Variants in CELSR1 observed in about 807,000 individuals in gnomAD.
CELSR1 encodes adhesion G protein-coupled receptor C1.
A neutral mutation model predicts 249.1 loss-of-function variants in CELSR1; 110 were observed. That is an observed-to-expected ratio of 0.44 (90% confidence interval 0.38 to 0.52). The LOEUF is 0.52. CELSR1 is among the 20% of genes least tolerant of loss of function. The probability of loss-of-function intolerance (pLI) is 0.00; values close to 1 mark genes in which losing one functional copy is unlikely to be tolerated. For synonymous variants in CELSR1, 2,113 were observed against 1,900.0 expected, an observed-to-expected ratio of 1.11 and a Z score of -2.92; for missense variants, 4,109 against 4,296.4, an observed-to-expected ratio of 0.96 and a Z score of 1.22.
At position 46,517,550 on chromosome 22, in the gene CELSR1, T is replaced by C. The variant is rs1163965013; in HGVS notation, c.3544+16077A>G. ...CTTGTCTTGGTACCTCTGTCCACAG[T>C]AAGGTGCCCCTGCAGACACGCCGCA... On this transcript the variant is annotated intron_variant, in intron 1 of 34. Transcript: ENST00000674500. The surrounding 1 kb of genome is among the most constrained non-coding windows in gnomAD (Gnocchi z 5.4). 1.3e-5 allele frequency among the ~76,000 whole-genome samples: 2 copies of C among 152,132 alleles called. No homozygotes were observed. Among genetic ancestry groups the C allele is most frequent in the Admixed American group, 6.5e-5 (1 of 15,280 alleles).
rs554165328 is a variant in CELSR1 at position 46,533,563 on chromosome 22, G to T, written c.3544+64C>A. ...CGGCATGCCAGGCGGAGCCCTTGGCGGGTTCCTGAGGCTCTCCAGGAGGCC... is the reference window on the plus strand; with the variant it reads ...CGGCATGCCAGGCGGAGCCCTTGGCTGGTTCCTGAGGCTCTCCAGGAGGCC... On this transcript the variant is annotated intron_variant, in intron 1 of 34. Coordinates refer to ENST00000674500, the MANE Select transcript of CELSR1 (RefSeq NM_001378328.1). 5 of 1,500,348 alleles carry T rather than the reference G, an allele frequency of 3.3e-6. No individual in the cohort carries two copies. In the Admixed American group the frequency reaches 9.0e-5, roughly 27 times the overall value. 92.9% of individuals were successfully genotyped at this position (1,500,348 alleles called of 1,614,324 possible).
rs146806971 is a variant in CELSR1 at position 46,425,360 on chromosome 22, G to C, written c.4611+8033C>G. Reference sequence around the variant, plus strand: ...TTTCTGGAAGAGATGTTGCAGAATTGATGTAATTCTTTAAATATTTGTTAG... The same window carrying C: ...TTTCTGGAAGAGATGTTGCAGAATTCATGTAATTCTTTAAATATTTGTTAG... On this transcript the variant is annotated intron_variant, in intron 5 of 34. Transcript: ENST00000674500. Among the ~76,000 whole-genome samples the C allele has an allele frequency of 1.7e-4, 26 of 152,338 alleles. No homozygotes were observed. In the East Asian group the frequency reaches 4.8e-3, roughly 28 times the overall value.
At chr22:46,474,191 G>C (rs1602186477) in intron 1 of CELSR1, among the ~76,000 whole-genome samples, 1 of 152,216 alleles carries the variant, frequency 6.6e-6, no homozygotes, top group East Asian at 1.9e-4. Flanking sequence ...CCCGGGGGCA[G>C]GGCTGGGGAG....
At chr22:46,462,961 C>A in intron 2 of CELSR1, 1 of 463,968 alleles carries the variant, frequency 2.2e-6, no homozygotes, top group Non-Finnish European at 4.4e-6. Context: ...TTTCAAGACC[C>A]AAATGATTAA....
chr22:46,489,872 T>C (rs1020196395), intron 1 of CELSR1, among the ~76,000 whole-genome samples: 1 of 146,090 alleles, frequency 6.8e-6, no homozygotes, highest in African/African-American at 2.6e-5. Flanking sequence ...TCCAGCCTGG[T>C]GACAGATCAA....
At chr22:46,497,206 A>C in intron 1 of CELSR1, among the ~76,000 whole-genome samples, 1 of 152,210 alleles carries the variant, frequency 6.6e-6, no homozygotes, top group Non-Finnish European at 1.5e-5. Flanking sequence ...ACTTCACTAT[A>C]AGTATCCAGC....
intron 18 of CELSR1, among the ~76,000 whole-genome samples, chr22:46,387,560 T>C (rs1422956038): frequency 1.3e-5 from 2 of 152,024 alleles, no homozygotes; most frequent in East Asian, 1.9e-4. Flanking sequence ...GGTTTCACCA[T>C]GTTGCCCAGG....
intron 1 of CELSR1, among the ~76,000 whole-genome samples, chr22:46,482,569 G>A (rs1472180934): frequency 6.6e-6 from 1 of 152,120 alleles, no homozygotes; most frequent in Non-Finnish European, 1.5e-5. Context: ...GAAGTGGGTG[G>A]CAGAGTGGGA....
chr22:46,389,249 C>A (rs781247563), intron 18 of CELSR1, 41 bp downstream of exon 18: 10 of 1,581,158 alleles, frequency 6.3e-6, no homozygotes, highest in East Asian at 4.5e-5. Flanking sequence ...ATCCGAGTGT[C>A]CCCGAGTGTC....
At chr22:46,494,392 T>A (rs1015547291) in intron 1 of CELSR1, among the ~76,000 whole-genome samples, 2 of 152,252 alleles carry the variant, frequency 1.3e-5, no homozygotes, top group Non-Finnish European at 2.9e-5. Context: ...ACCAATTTGA[T>A]TGGCACTGCA....
rs1001857986 is a variant in CELSR1, at chr22:46,401,620, C to T, written c.5227-1718G>A. 2.6e-5 allele frequency among the ~76,000 whole-genome samples: 4 copies of T among 152,188 alleles called. No homozygotes were observed. Among genetic ancestry groups the T allele is most frequent in the African/African-American group, 9.7e-5 (4 of 41,438 alleles). On this transcript the variant is annotated intron_variant, in intron 9 of 34. Transcript: ENST00000674500. This position sits in a 1 kb window ranked among gnomAD's most constrained non-coding sequence, Gnocchi z 4.7. ...GCAGGTGGTACGACGCTCCATCAGTCGCCTGTGACCTAGAGTCTCAAGATG... is the reference window on the plus strand; with the variant it reads ...GCAGGTGGTACGACGCTCCATCAGTTGCCTGTGACCTAGAGTCTCAAGATG...
In CELSR1 at chr22:46,430,524, G is replaced by A. The variant is rs1317630505; in HGVS notation, c.4611+2869C>T. On this transcript the variant is annotated intron_variant, in intron 5 of 34. Coordinates refer to ENST00000674500, the MANE Select transcript of CELSR1 (RefSeq NM_001378328.1). This position sits in a 1 kb window ranked among gnomAD's most constrained non-coding sequence, Gnocchi z 4.6. The stretch of plus-strand genomic sequence containing the variant: ...GCCCCTCTCAACTGGTCATGGCCCT[G>A]GACACCCCTCATCGTCCAGCCCCAA... Among the ~76,000 whole-genome samples the A allele has an allele frequency of 1.3e-5, 2 of 152,070 alleles. No individual in the cohort carries two copies. Among genetic ancestry groups the A allele is most frequent in the Non-Finnish European group, 2.9e-5 (2 of 68,002 alleles).
At chr22:46,528,342 C>T (rs1226841503) in intron 1 of CELSR1, among the ~76,000 whole-genome samples, 1 of 152,188 alleles carries the variant, frequency 6.6e-6, no homozygotes, top group African/African-American at 2.4e-5. Flanking sequence ...GAAGGTTACT[C>T]AATCCTGTTA....
At chr22:46,442,274 C>A (rs1015205605) in intron 2 of CELSR1, among the ~76,000 whole-genome samples, 5 of 152,256 alleles carry the variant, frequency 3.3e-5, no homozygotes, top group Admixed American at 1.3e-4. Context: ...CAGCTGAGAC[C>A]CTGCACTCAG....
intron 1 of CELSR1, among the ~76,000 whole-genome samples, chr22:46,513,830 C>T (rs530029148): frequency 3.7e-4 from 57 of 152,214 alleles, no homozygotes; most frequent in Admixed American, 1.8e-3. Context: ...CTTGCTCTGT[C>T]GCCCAGGCTG....
chr22:46,403,985 A>G (rs1470345921), intron 9 of CELSR1, among the ~76,000 whole-genome samples: 4 of 150,550 alleles, frequency 2.7e-5, no homozygotes, highest in Admixed American at 1.3e-4. Flanking sequence ...AAAAAAAAAA[A>G]AAAAAGAAAA....
chr22:46,495,783 C>T (rs2080407184), intron 1 of CELSR1, among the ~76,000 whole-genome samples: 1 of 152,242 alleles, frequency 6.6e-6, no homozygotes, highest in East Asian at 1.9e-4. Context: ...CCTTTGCACT[C>T]CAGCTTGGGC....
chr22:46,376,232 C>T (rs1343922185), intron 24 of CELSR1, among the ~76,000 whole-genome samples: 1 of 152,172 alleles, frequency 6.6e-6, no homozygotes, highest in Non-Finnish European at 1.5e-5. Flanking sequence ...CTTAAATGTA[C>T]TGGTGAGGTA....
chr22:46,417,969 T>C lies in CELSR1; in HGVS notation c.4612-6210A>G, dbSNP rs1271784772. On this transcript the variant is annotated intron_variant, in intron 5 of 34. Transcript: ENST00000674500. The surrounding 1 kb of genome is among the most constrained non-coding windows in gnomAD (Gnocchi z 4.1). ...CCAAGGGTCCATATCCTGCCCCTAC[T>C]TGGGAAAGTCACATGACTTCCCTGC... 6.6e-6 allele frequency among the ~76,000 whole-genome samples: 1 copy of C among 152,238 alleles called. No individual in the cohort carries two copies. The highest frequency in any genetic ancestry group is 1.9e-4 in the East Asian group (1 of 5,202).
Sources: gnomAD v4.1 joint callset for allele counts (sites outside exome capture counted in the v4.1 genomes callset) on GRCh38, gnomAD v4.1.1 for gene constraint, Gnocchi (gnomAD v3.1) non-coding constraint, MANE v1.5 for transcripts, NCBI Gene and HGNC (gene_info 2026-07-23, HGNC 2026-07-21) for gene names.